Variants in PLEKHA2 observed in about 807,000 individuals in gnomAD.
PLEKHA2 encodes the protein pleckstrin homology domain containing A2.
A neutral mutation model predicts 53.2 loss-of-function variants in PLEKHA2; 28 were observed. That is an observed-to-expected ratio of 0.53 (90% CI 0.39 to 0.72). PLEKHA2 has a LOEUF of 0.72. Ranked by LOEUF, PLEKHA2 falls within the 30% of genes least tolerant of loss-of-function variation. PLEKHA2 has a pLI of 0.00. For synonymous variants in PLEKHA2, 193 were observed against 196.4 expected (o/e 0.98, Z 0.14); for missense variants, 426 against 537.9 (o/e 0.79, Z 2.06).
intron 3 of PLEKHA2, among the ~76,000 whole-genome samples, chr8:38,940,652 G>T (rs1030007927): frequency 9.4e-5 from 3 of 31,866 alleles, no homozygotes; most frequent in Non-Finnish European, 1.8e-4. Flanking sequence ...TGAAGGGGCG[G>T]GGGGGGGGGG....
Position 38,946,109 on chromosome 8 carries a change from C to A in PLEKHA2, c.248-15C>A. The stretch of plus-strand genomic sequence containing the variant: ...ACCTAGGAATGTCTTCCCTTCTTTT[C>A]TGTGGCTTTTGTAGTTATCAATGCC... On this transcript the variant is annotated splice_polypyrimidine_tract_variant and intron_variant, in intron 4 of 11. Transcript: ENST00000617275. 1 of 1,585,468 alleles carries A rather than the reference C, an allele frequency of 6.3e-7. No individual in the cohort carries two copies. Among genetic ancestry groups the A allele is most frequent in the East Asian group, 2.3e-5 (1 of 44,406 alleles).
chr8:38,964,977 C>G (rs1835109006), intron 10 of PLEKHA2, among the ~76,000 whole-genome samples: 2 of 146,674 alleles, frequency 1.4e-5, no homozygotes, highest in Non-Finnish European at 3.0e-5. Context: ...ACTTTAGCCT[C>G]CTAACATTGT....
rs1834188893 is a variant in PLEKHA2, at chr8:38,921,259, CCT to C, written c.141+3190_141+3191del. 2.6e-5 allele frequency among the ~76,000 whole-genome samples: 4 copies of C among 152,344 alleles called. No homozygotes were observed. The South Asian group carries it at 8.3e-4, about 32-fold the overall frequency. ...TCCTTTGTGTACTTCCTCCCACTCA[CCT>C]GCTGTGTTAGTGCAAGTCATTCGAA... On this transcript the variant is annotated intron_variant, in intron 2 of 11. Coordinates refer to ENST00000617275, the MANE Select transcript of PLEKHA2 (RefSeq NM_021623.2).
In PLEKHA2 at chr8:38,957,344, C is replaced by T. The variant is rs758359635; in HGVS notation, c.795C>T (p.Asn265=). 2.4e-5 allele frequency: 38 copies of T among 1,613,046 alleles called. No individual in the cohort carries two copies. Among genetic ancestry groups the T allele is most frequent in the Admixed American group, 5.0e-5 (3 of 59,982 alleles). The change falls in exon 10 of 12, where the codon AAC becomes AAT. Residue 265 remains asparagine, a synonymous_variant. Coordinates refer to ENST00000617275, the MANE Select transcript of PLEKHA2 (RefSeq NM_021623.2). ...CTAGTGATCTCTTAATGAGGGACAA[C>T]CTGTTTGAAATAATAACAAGCTCCA... ...VKSGDLLMRD[N]LFEIITSSRT...
rs1327452725 is a variant in PLEKHA2 at position 38,970,345 on chromosome 8, C to G, written c.*562C>G. 2 of 251,442 alleles carry G rather than the reference C, an allele frequency of 8.0e-6. No homozygotes were observed. The highest frequency in any genetic ancestry group is 1.5e-5 in the Non-Finnish European group (2 of 135,052). The allele number at this position is 251,442 out of a possible 1,614,324, so 15.6% of individuals were successfully genotyped here. A position where few individuals can be genotyped will look rare whatever the true frequency, so the allele number is the denominator to read the frequency against. ...CCTTGTGTGCTTGCATGATCAGACC[C>G]TGTAATAGGATGAATTTCCATGCAC... On this transcript the variant is annotated 3_prime_UTR_variant, in exon 12 of 12. Coordinates refer to ENST00000617275, the MANE Select transcript of PLEKHA2 (RefSeq NM_021623.2).
chr8:38,951,125 C>A, intron 6 of PLEKHA2, 135 bp downstream of exon 6: 1 of 741,116 alleles, frequency 1.3e-6, no homozygotes, highest in Non-Finnish European at 2.1e-6. Flanking sequence ...GTGGAGCCAT[C>A]AGGAAAGTAC....
intron 6 of PLEKHA2, 105 bp from the exon 7 acceptor site, chr8:38,952,061 T>A (rs1834853763): frequency 7.2e-7 from 1 of 1,394,458 alleles, no homozygotes; most frequent in Admixed American, 2.3e-5. Flanking sequence ...TTATTTCTTC[T>A]TTGACTTAGG....
At chr8:38,967,839 T>G (rs1039699133) in intron 10 of PLEKHA2, among the ~76,000 whole-genome samples, 3 of 152,070 alleles carry the variant, frequency 2.0e-5, no homozygotes, top group African/African-American at 7.2e-5. Flanking sequence ...TTTTTTGTAT[T>G]TTAGTAGAGA....
intron 2 of PLEKHA2, among the ~76,000 whole-genome samples, chr8:38,927,882 C>T (rs1347103787): frequency 6.6e-6 from 1 of 151,930 alleles, no homozygotes; most frequent in East Asian, 1.9e-4. Context: ...AGAGCTGGAG[C>T]TGGAGATGAC....
intron 3 of PLEKHA2, 67 bp from the exon 4 acceptor site, chr8:38,943,722 C>T: frequency 7.8e-7 from 1 of 1,285,446 alleles, no homozygotes; most frequent in Non-Finnish European, 1.1e-6. Flanking sequence ...TGAGAAATTT[C>T]ACAATAAGAA....
At chr8:38,908,648 A>G (rs1056653271) in intron 1 of PLEKHA2, among the ~76,000 whole-genome samples, 1 of 152,226 alleles carries the variant, frequency 6.6e-6, no homozygotes, top group African/African-American at 2.4e-5. Flanking sequence ...TTTGGTGACT[A>G]TATATCTGGT....
intron 6 of PLEKHA2, among the ~76,000 whole-genome samples, chr8:38,951,213 T>C (rs543838360): frequency 1.6e-4 from 24 of 152,268 alleles, no homozygotes; most frequent in Non-Finnish European, 2.4e-4. Context: ...TGAAGCCATG[T>C]GGCCTGTGCA....
chr8:38,941,313 C>T (rs1007649905), intron 3 of PLEKHA2, among the ~76,000 whole-genome samples: 15 of 152,196 alleles, frequency 9.9e-5, no homozygotes, highest in African/African-American at 3.6e-4. Flanking sequence ...GCTGTGGCCT[C>T]CCAAAGTACT....
chr8:38,952,976 T>A (rs1834875046), intron 8 of PLEKHA2, among the ~76,000 whole-genome samples: 1 of 152,188 alleles, frequency 6.6e-6, no homozygotes, highest in Non-Finnish European at 1.5e-5. Context: ...ACAGGGTCTT[T>A]CTCTGTCACC....
At chr8:38,951,940 G>A (rs186937358) in intron 6 of PLEKHA2, among the ~76,000 whole-genome samples, 216 of 152,222 alleles carry the variant, frequency 1.4e-3, no homozygotes, top group Non-Finnish European at 2.3e-3. Context: ...TGTAGAGACT[G>A]GGTCTCACTG....
intron 3 of PLEKHA2, among the ~76,000 whole-genome samples, chr8:38,940,660 G>GA (rs1194081751): frequency 2.0e-5 from 2 of 97,952 alleles, no homozygotes; most frequent in South Asian, 4.2e-4. Context: ...CGGGGGGGGG[G>GA]GGTCAGAAAC....
chr8:38,924,586 G>T (rs530246533), intron 2 of PLEKHA2, among the ~76,000 whole-genome samples: 1 of 152,284 alleles, frequency 6.6e-6, no homozygotes. Flanking sequence ...TGCCTGCACC[G>T]GGCAGTCACT....
At chr8:38,959,169 T>C (rs761073038) in intron 10 of PLEKHA2, among the ~76,000 whole-genome samples, 17 of 152,236 alleles carry the variant, frequency 1.1e-4, no homozygotes, top group African/African-American at 2.6e-4. Context: ...TAAGTGCTAC[T>C]GCCATTAGAC....
In PLEKHA2 at chr8:38,969,668, C is replaced by A; in HGVS notation, c.1163C>A (p.Ala388Asp). The change falls in exon 12 of 12, where the codon GCT becomes GAT. Residue 388 changes from alanine to aspartate, a missense_variant. Transcript: ENST00000617275. ...LFTPRPGEGS[A>D]PGVLPSSRIR... The stretch of plus-strand genomic sequence containing the variant: ...ACGCCTCGTCCTGGGGAGGGCAGCG[C>A]TCCTGGGGTGCTGCCCAGCTCCCGG... 1 of 1,588,402 alleles carries A rather than the reference C, an allele frequency of 6.3e-7. No homozygotes were observed. The highest frequency in any genetic ancestry group is 1.8e-5 in the Admixed American group (1 of 55,878).
Sources: gnomAD v4.1 joint callset for allele counts (sites outside exome capture counted in the v4.1 genomes callset) on GRCh38, gnomAD v4.1.1 for gene constraint, MANE v1.5 for transcripts, NCBI Gene and HGNC (gene_info 2026-07-23, HGNC 2026-07-21) for gene names.